The following HEATR5B variants were observed in gnomAD, a reference collection of about 807,000 sequenced individuals.
HEATR5B encodes the protein HEAT repeat-containing protein 5B.
In HEATR5B, 156 loss-of-function variants were observed where a neutral mutation model predicts 224.1. The ratio of observed to expected loss-of-function variants is 0.70; its 90% CI spans 0.61 to 0.80. The LOEUF is 0.80. HEATR5B is among the 30% of genes least tolerant of loss of function. The probability of loss-of-function intolerance (pLI) is 0.00; values close to 1 mark genes in which losing one functional copy is unlikely to be tolerated. For missense variants in HEATR5B, 2,323 were observed against 2,535.5 expected, an observed-to-expected ratio of 0.92 and a Z score of 1.80; for synonymous variants, 1,027 against 893.0, an observed-to-expected ratio of 1.15 and a Z score of -2.68.
chr2:37,013,503 A>G (rs1667921190), intron 27 of HEATR5B, among the ~76,000 whole-genome samples: 1 of 152,232 alleles, frequency 6.6e-6, no homozygotes, highest in African/African-American at 2.4e-5. Flanking sequence ...TGGGCAACAA[A>G]GCAAGACCCT....
intron 4 of HEATR5B, 189 bp from the exon 5 acceptor site, chr2:37,075,823 T>C (rs1324261894): frequency 7.5e-6 from 3 of 402,488 alleles, no homozygotes; most frequent in African/African-American, 6.2e-5. Flanking sequence ...AATTAAATAA[T>C]ATCTTTCTAA....
chr2:37,013,914 C>G lies in HEATR5B; in HGVS notation c.4211G>C (p.Gly1404Ala), dbSNP rs746180397. The change falls in exon 27 of 36, where the codon GGA (glycine) becomes GCA (alanine). Residue 1404 changes from glycine (G) to alanine (A), a missense_variant. Physicochemically the swap from Gly to Ala is moderately conservative, Grantham distance 60. This residue lies in a region of HEATR5B where 844 missense variants were observed against 812.9 expected (regional missense o/e 1.04). Transcript: ENST00000233099. The part of the protein sequence containing the change: ...SSLDKVQAGK[G>A]SSSQLYRESA... ...CTCTCGGTACAGCTGGCTGGAAGATCCTTTTCCAGCCTGAACTTTGTCCAG... is the reference window on the plus strand; with the variant it reads ...CTCTCGGTACAGCTGGCTGGAAGATGCTTTTCCAGCCTGAACTTTGTCCAG... The G allele has an allele frequency of 6.2e-7, 1 of 1,612,890 alleles. No individual in the cohort carries two copies. Among genetic ancestry groups the G allele is most frequent in the South Asian group, 1.1e-5 (1 of 90,812 alleles).
chr2:37,005,968 G>C (rs180832907), intron 29 of HEATR5B, among the ~76,000 whole-genome samples: 82 of 152,272 alleles, frequency 5.4e-4, no homozygotes, highest in African/African-American at 1.9e-3. Context: ...ATTCAAATTA[G>C]CTATGTGTGA....
chr2:37,007,375 G>A (rs1480892520), intron 28 of HEATR5B, 71 bp from the exon 29 acceptor site: 126 of 1,401,596 alleles, frequency 9.0e-5, no homozygotes, highest in Non-Finnish European at 1.1e-4. Context: ...ACCAAGTCTC[G>A]TTCTGTCGCC....
intron 34 of HEATR5B, among the ~76,000 whole-genome samples, chr2:36,990,287 T>C (rs1666241109): frequency 6.6e-6 from 1 of 152,226 alleles, no homozygotes; most frequent in African/African-American, 2.4e-5. Context: ...AAAATCTTAC[T>C]TTCTAGACAA....
chr2:37,078,967 C>G (rs1672389918), intron 3 of HEATR5B, among the ~76,000 whole-genome samples, 153 bp downstream of exon 3: 1 of 152,166 alleles, frequency 6.6e-6, no homozygotes, highest in Non-Finnish European at 1.5e-5. Context: ...TAACTATCTT[C>G]CCATCACAAC....
intron 30 of HEATR5B, 109 bp downstream of exon 30, chr2:37,005,523 T>C: frequency 1.0e-6 from 1 of 960,218 alleles, no homozygotes. Context: ...TGTATTCATA[T>C]CATGTTAAAA....
Position 37,007,262 on chromosome 2 carries a change from A to C in HEATR5B, c.4565T>G (p.Leu1522Arg), listed in dbSNP as rs1206749673. 1 of 1,613,940 alleles carries C rather than the reference A, an allele frequency of 6.2e-7. No individual in the cohort carries two copies. Among genetic ancestry groups the C allele is most frequent in the East Asian group, 2.2e-5 (1 of 44,882 alleles). ...YTPETIDTARLHYRNSWAPIL... is the reference protein window; with the variant it reads ...YTPETIDTARRHYRNSWAPIL... ...TGGGGCCCAGGAATTCCGATAGTGA[A>C]GTCTAGCTGTATCAATAGTTTCAGG... is the stretch of plus-strand genomic sequence containing the variant. Residue 1522 changes from leucine to arginine, a missense_variant, in exon 29 of 36, where the codon CTT becomes CGT. This residue lies in a region of HEATR5B where 844 missense variants were observed against 812.9 expected (regional missense o/e 1.04). Coordinates refer to ENST00000233099, the MANE Select transcript of HEATR5B (RefSeq NM_019024.3).
At chr2:37,069,152 T>C (rs543743721) in intron 7 of HEATR5B, among the ~76,000 whole-genome samples, 60 of 152,220 alleles carry the variant, frequency 3.9e-4, no homozygotes, top group African/African-American at 1.3e-3. Flanking sequence ...AACAACTTCA[T>C]GAAGAACACA....
In HEATR5B at chr2:36,988,674, T is replaced by C; in HGVS notation, c.5883A>G (p.Thr1961=). Reference sequence around the variant, plus strand: ...TTTGTTCTTCACCAAGAGCAACCAGTGTTTCAAGAACTTTTATTCCTTCTT... The same window carrying C: ...TTTGTTCTTCACCAAGAGCAACCAGCGTTTCAAGAACTTTTATTCCTTCTT... ...AVQEGIKVLE[T]LVALGEEQNR... Residue 1961 remains threonine (T), a synonymous_variant, in exon 35 of 36, where the codon ACA becomes ACG. Coordinates refer to ENST00000233099, the MANE Select transcript of HEATR5B (RefSeq NM_019024.3). 6.2e-7 allele frequency: 1 copy of C among 1,614,044 alleles called. No individual in the cohort carries two copies. The highest frequency in any genetic ancestry group is 8.5e-7 in the Non-Finnish European group (1 of 1,179,920).
At chr2:37,068,155 AC>A (rs1211895183) in intron 8 of HEATR5B, among the ~76,000 whole-genome samples, 2 of 152,166 alleles carry the variant, frequency 1.3e-5, no homozygotes, top group African/African-American at 2.4e-5. Flanking sequence ...CAAATCTAAG[AC>A]AATAACTATT....
chr2:37,056,366 G>C, intron 16 of HEATR5B, 74 bp downstream of exon 16: 1 of 1,021,088 alleles, frequency 9.8e-7, no homozygotes. Context: ...AGAGTTAACT[G>C]GGATGAGAAA....
At chr2:37,073,834 G>T (rs559980479) in intron 5 of HEATR5B, among the ~76,000 whole-genome samples, 56 of 152,238 alleles carry the variant, frequency 3.7e-4, no homozygotes, top group Middle Eastern at 6.8e-3. Flanking sequence ...AAGTTGGAGG[G>T]CTAACAGCAC....
At chr2:37,030,412 G>A (rs1039025791) in intron 22 of HEATR5B, among the ~76,000 whole-genome samples, 18 of 152,022 alleles carry the variant, frequency 1.2e-4, no homozygotes, top group African/African-American at 4.3e-4. Flanking sequence ...GAATGTTAAC[G>A]GCTATGCAGC....
intron 16 of HEATR5B, chr2:37,055,180 T>A: frequency 3.3e-6 from 1 of 300,484 alleles, no homozygotes. Flanking sequence ...CTTTTTAATT[T>A]AACATTGTAT....
At chr2:36,993,521 C>T (rs892100277) in intron 33 of HEATR5B, among the ~76,000 whole-genome samples, 1 of 145,726 alleles carries the variant, frequency 6.9e-6, no homozygotes. Context: ...CCAGCCTGGG[C>T]AACAGAGTGA....
intron 26 of HEATR5B, among the ~76,000 whole-genome samples, chr2:37,019,364 C>G (rs1038640562): frequency 4.6e-5 from 7 of 151,884 alleles, no homozygotes; most frequent in Non-Finnish European, 1.0e-4. Context: ...ATGTTTATTA[C>G]CTAATTATTA....
intron 16 of HEATR5B, chr2:37,055,011 C>G (rs139831287): frequency 6.5e-4 from 190 of 292,748 alleles, no homozygotes; most frequent in African/African-American, 4.2e-3. Flanking sequence ...TATGAAGATA[C>G]AGATTCAGAT....
intron 24 of HEATR5B, 29 bp downstream of exon 24, chr2:37,027,894 T>C (rs764408311): frequency 1.9e-6 from 3 of 1,604,874 alleles, no homozygotes; most frequent in South Asian, 2.2e-5. Flanking sequence ...AAAAATGCTT[T>C]GGGGAAAAAG....
Sources: gnomAD v4.1 joint callset for allele counts (sites outside exome capture counted in the v4.1 genomes callset) on GRCh38, gnomAD v4.1.1 for gene constraint, gnomAD v4.1.1 regional missense constraint, MANE v1.5 for transcripts, NCBI Gene and HGNC (gene_info 2026-07-23, HGNC 2026-07-21) for gene names.